The following KIRREL3 variants were observed in gnomAD, a reference collection of about 807,000 sequenced individuals.
The protein encoded by KIRREL3 is kin of IRRE-like protein 3.
Under a neutral mutation model 89.7 loss-of-function variants are expected in KIRREL3, and 36 were observed. That is an observed-to-expected ratio of 0.40 (90% CI 0.31 to 0.53). KIRREL3 has a LOEUF of 0.53. KIRREL3 is among the 20% of genes least tolerant of loss of function. The pLI is 0.49. For synonymous variants in KIRREL3, 445 were observed against 441.4 expected (o/e 1.01, Z -0.10); for missense variants, 864 against 1,056.6 (o/e 0.82, Z 2.53).
At position 126,564,453 on chromosome 11, in the gene KIRREL3, T is replaced by C. The variant is rs973991100; in HGVS notation, c.56-1541A>G. On this transcript the variant is annotated intron_variant, in intron 1 of 16. Transcript: ENST00000525144. The surrounding 1 kb of genome is among the most constrained non-coding windows in gnomAD (Gnocchi z 7.4). ...CCCAGGGAGGTCCCTGGCTTTGATC[T>C]CCTGATTCTTTAAAGGGGTTTATTG... 2.0e-5 allele frequency among the ~76,000 whole-genome samples: 3 copies of C among 152,234 alleles called. No homozygotes were observed. The highest frequency in any genetic ancestry group is 3.4e-3 in the Middle Eastern group (1 of 294).
rs758981718 is a variant in KIRREL3, at chr11:126,473,456, A to G, written c.444T>C (p.Asp148=). The change falls in exon 5 of 17, where the codon GAT becomes GAC. Residue 148 remains aspartate, a synonymous_variant. Coordinates refer to ENST00000525144, the MANE Select transcript of KIRREL3 (RefSeq NM_032531.4). ...CAGGGCCCCCCAGGATGACGGGGTC[A>G]TCAGGCGGCACTGCGGGGAGAGAAG... ...PARLTVLVPP[D]DPVILGGPVI... is the part of the protein sequence containing the mutation. The G allele has an allele frequency of 7.8e-5, 122 of 1,555,368 alleles. No homozygotes were observed. The highest frequency in any genetic ancestry group is 9.3e-5 in the Non-Finnish European group (106 of 1,138,756).
intron 1 of KIRREL3, among the ~76,000 whole-genome samples, chr11:126,863,593 G>C (rs1294549223): frequency 7.4e-6 from 1 of 135,166 alleles, no homozygotes; most frequent in African/African-American, 3.0e-5. Context: ...GTGTGTGTTT[G>C]AGTGCGTGTG....
intron 1 of KIRREL3, among the ~76,000 whole-genome samples, chr11:126,824,443 T>C (rs1204796490): frequency 1.3e-5 from 2 of 152,214 alleles, no homozygotes; most frequent in Non-Finnish European, 2.9e-5. Context: ...GGTAAACAAC[T>C]CACCCAACGT....
intron 1 of KIRREL3, among the ~76,000 whole-genome samples, chr11:126,777,386 T>A (rs1458886932): frequency 6.6e-6 from 1 of 152,104 alleles, no homozygotes; most frequent in Non-Finnish European, 1.5e-5. Context: ...AGCACAGAGT[T>A]AATGAAGGCA....
At chr11:126,446,976 G>C in intron 8 of KIRREL3, 90 bp from the exon 9 acceptor site, 8 of 1,484,354 alleles carry the variant, frequency 5.4e-6, no homozygotes, top group Non-Finnish European at 7.3e-6. Context: ...CCTAGACCTT[G>C]ACTGGGGGGA....
chr11:126,435,381 G>A (rs1377388928), intron 12 of KIRREL3, 78 bp from the exon 13 acceptor site: 22 of 1,462,974 alleles, frequency 1.5e-5, no homozygotes, highest in Non-Finnish European at 2.0e-5. Flanking sequence ...TTAGCTGCTT[G>A]AGCGGGGCTG....
chr11:126,758,995 G>A (rs879552962), intron 1 of KIRREL3, among the ~76,000 whole-genome samples: 5 of 152,188 alleles, frequency 3.3e-5, no homozygotes, highest in African/African-American at 1.2e-4. Flanking sequence ...TGGGTGCATT[G>A]GTTGCTGTCT....
Position 126,513,752 on chromosome 11 carries a change from C to G in KIRREL3, c.433+7563G>C, listed in dbSNP as rs1289044096. On this transcript the variant is annotated intron_variant, in intron 4 of 16. Transcript: ENST00000525144. This position sits in a 1 kb window ranked among gnomAD's most constrained non-coding sequence, Gnocchi z 5.9. ...GCGACCTTGGAGTGCAGCAGGAGGGCAGGGCTGGGGCGACCCGCACACCTC... is the reference window on the plus strand; with the variant it reads ...GCGACCTTGGAGTGCAGCAGGAGGGGAGGGCTGGGGCGACCCGCACACCTC... 6.6e-6 allele frequency among the ~76,000 whole-genome samples: 1 copy of G among 152,078 alleles called. No homozygotes were observed. Among genetic ancestry groups the G allele is most frequent in the Non-Finnish European group, 1.5e-5 (1 of 68,004 alleles).
rs34548970 is a variant in KIRREL3 at position 126,593,437 on chromosome 11, G to T, written c.56-30525C>A. Among the ~76,000 whole-genome samples, 135 of 152,330 alleles carry T rather than the reference G, an allele frequency of 8.9e-4. 2 individuals are homozygous for T. Among genetic ancestry groups the T allele is most frequent in the South Asian group, 3.7e-3 (18 of 4,826 alleles). On this transcript the variant is annotated intron_variant, in intron 1 of 16. Transcript: ENST00000525144. Reference sequence around the variant, plus strand: ...ACAGCCACTCCCTACCCACTGTGGGGACCAGGGAGGGGCCCTCGTGCTAAG... The same window carrying T: ...ACAGCCACTCCCTACCCACTGTGGGTACCAGGGAGGGGCCCTCGTGCTAAG...
rs570808309 is a variant in KIRREL3 at position 126,978,674 on chromosome 11, C to T, written c.55+21781G>A. ...TACTCCCTCTTCTCCTCATCCCGCT[C>T]TCTGCCCATTTTCTTAGCTAATGTC... is the stretch of plus-strand genomic sequence containing the variant. On this transcript the variant is annotated intron_variant, in intron 1 of 16. Coordinates refer to ENST00000525144, the MANE Select transcript of KIRREL3 (RefSeq NM_032531.4). This position sits in a 1 kb window ranked among gnomAD's most constrained non-coding sequence, Gnocchi z 4.2. Among the ~76,000 whole-genome samples the T allele has an allele frequency of 6.6e-6, 1 of 152,198 alleles. No individual in the cohort carries two copies. The highest frequency in any genetic ancestry group is 6.5e-5 in the Admixed American group (1 of 15,276).
In KIRREL3 at chr11:126,429,624, A is replaced by G. The variant is rs1281026323; in HGVS notation, c.1697-336T>C. On this transcript the variant is annotated intron_variant, in intron 14 of 16. Coordinates refer to ENST00000525144, the MANE Select transcript of KIRREL3 (RefSeq NM_032531.4). The surrounding 1 kb of genome is among the most constrained non-coding windows in gnomAD (Gnocchi z 5.2). ...TACTGAATTCTCACTTCCTTCTAGA[A>G]GTCTTCTCTGACCTGCTCTACCAGG... Among the ~76,000 whole-genome samples, 2 of 152,208 alleles carry G rather than the reference A, an allele frequency of 1.3e-5. No individual in the cohort carries two copies. The highest frequency in any genetic ancestry group is 1.3e-4 in the Admixed American group (2 of 15,290).
Position 126,614,086 on chromosome 11 carries a change from A to G in KIRREL3, c.56-51174T>C, listed in dbSNP as rs481238. On this transcript the variant is annotated intron_variant, in intron 1 of 16. Transcript: ENST00000525144. The surrounding 1 kb of genome is among the most constrained non-coding windows in gnomAD (Gnocchi z 4.6). ...ATAGAGTTCTCCCTTTGTGGGTGGC[A>G]TTTTGACATCACATTTTAAGACAGG... 0.47 allele frequency among the ~76,000 whole-genome samples: 71,341 copies of G among 151,842 alleles called. 18,730 individuals are homozygous for G. Among genetic ancestry groups the G allele is most frequent in the Non-Finnish European group, 0.59 (40,296 of 67,922 alleles).
intron 1 of KIRREL3, among the ~76,000 whole-genome samples, chr11:126,910,502 T>C (rs1453092701): frequency 1.3e-5 from 2 of 152,202 alleles, no homozygotes; most frequent in East Asian, 3.8e-4. Context: ...GTATTTCCAG[T>C]GAAGAGGCTG....
chr11:126,911,110 C>T (rs943437278), intron 1 of KIRREL3, among the ~76,000 whole-genome samples: 1 of 152,032 alleles, frequency 6.6e-6, no homozygotes, highest in African/African-American at 2.4e-5. Context: ...AAGAAGCAGC[C>T]CCAAGGTTCA....
intron 1 of KIRREL3, among the ~76,000 whole-genome samples, chr11:126,850,882 G>C (rs1044670808): frequency 1.3e-5 from 2 of 152,144 alleles, no homozygotes; most frequent in Non-Finnish European, 2.9e-5. Context: ...CCACAGCCAG[G>C]CCAAAGCAGC....
chr11:126,591,881 G>A (rs1399703654), intron 1 of KIRREL3, among the ~76,000 whole-genome samples: 1 of 152,274 alleles, frequency 6.6e-6, no homozygotes, highest in East Asian at 1.9e-4. Flanking sequence ...CCTGGCAGGG[G>A]GAAAGGCAGG....
intron 1 of KIRREL3, among the ~76,000 whole-genome samples, chr11:126,888,134 C>A (rs1454717573): frequency 6.6e-6 from 1 of 152,198 alleles, no homozygotes; most frequent in Non-Finnish European, 1.5e-5. Context: ...TATAAACAAA[C>A]ATACAGCACA....
rs74354020 is a variant in KIRREL3 at position 126,989,375 on chromosome 11, C to A, written c.55+11080G>T. Among the ~76,000 whole-genome samples the A allele has an allele frequency of 0.033, 5,052 of 152,170 alleles. 109 individuals are homozygous for A. Among genetic ancestry groups the A allele is most frequent in the Non-Finnish European group, 0.052 (3,514 of 67,986 alleles). On this transcript the variant is annotated intron_variant, in intron 1 of 16. Coordinates refer to ENST00000525144, the MANE Select transcript of KIRREL3 (RefSeq NM_032531.4). This position sits in a 1 kb window ranked among gnomAD's most constrained non-coding sequence, Gnocchi z 6.2. ...GCAGCTCACCCTGATGCAGAGAGAG[C>A]GGCAAGGGACTCTGATGGTGAGTCA...
At chr11:126,733,567 T>TTCTTA (rs986011462) in intron 1 of KIRREL3, among the ~76,000 whole-genome samples, 1 of 152,182 alleles carries the variant, frequency 6.6e-6, no homozygotes, top group Non-Finnish European at 1.5e-5. Flanking sequence ...ATCATTAATA[T>TTCTTA]TCTTAAAAGG....
Sources: allele counts gnomAD v4.1 joint callset (sites outside exome capture counted in the v4.1 genomes callset), GRCh38; gene constraint gnomAD v4.1.1; non-coding constraint Gnocchi (gnomAD v3.1); transcripts MANE v1.5; gene names NCBI Gene and HGNC (gene_info 2026-07-23, HGNC 2026-07-21).